ANKS1A: variants seen among roughly 807,000 people sequenced by gnomAD.
ANKS1A encodes ankyrin repeat and sterile alpha motif domain containing 1A.
In ANKS1A, 55 loss-of-function variants were observed where a neutral mutation model predicts 120.3. That is an observed-to-expected ratio of 0.46 (90% confidence interval 0.37 to 0.57). The LOEUF (loss-of-function observed/expected upper bound fraction) is 0.57. ANKS1A is among the 20% of genes least tolerant of loss of function. ANKS1A has a pLI of 0.00. For missense variants in ANKS1A, 1,123 were observed against 1,480.3 expected (o/e 0.76, Z 3.96); for synonymous variants, 590 against 604.7 (o/e 0.98, Z 0.36).
At chr6:34,901,791 G>A (rs946000837) in intron 1 of ANKS1A, among the ~76,000 whole-genome samples, 10 of 152,188 alleles carry the variant, frequency 6.6e-5, no homozygotes, top group Admixed American at 3.3e-4. Context: ...GATTACAGGC[G>A]TGAGCCATCA....
Position 35,079,390 on chromosome 6 carries a change from G to A in ANKS1A, c.2284-126G>A, listed in dbSNP as rs548469284. 3 of 1,175,412 alleles carry A rather than the reference G, an allele frequency of 2.6e-6. No homozygotes were observed. The African/African-American group carries it at 4.6e-5, about 18-fold the overall frequency. 72.8% of individuals were successfully genotyped at this position (1,175,412 alleles called of 1,614,324 possible). ...TGTGCGAAGTGGGGGGCTGGAAGGT[G>A]CTGAGGACCCCAAACACAGAGGGCC... On this transcript the variant is annotated intron_variant, in intron 14 of 23. Coordinates refer to ENST00000360359, the MANE Select transcript of ANKS1A (RefSeq NM_015245.3).
Position 34,985,255 on chromosome 6 carries a change from G to C in ANKS1A, c.1186G>C (p.Val396Leu). 6.2e-7 allele frequency: 1 copy of C among 1,614,010 alleles called. No individual in the cohort carries two copies. Among genetic ancestry groups the C allele is most frequent in the Non-Finnish European group, 8.5e-7 (1 of 1,180,004 alleles). Residue 396 changes from valine (V) to leucine (L), a missense_variant, in exon 8 of 24, where the codon GTG becomes CTG. Physicochemically the swap from Val to Leu is conservative, Grantham distance 32. Around this residue, in one of 3 missense-constraint regions of ANKS1A, gnomAD observed 904 missense variants for 1,130.4 expected, o/e 0.80. Transcript: ENST00000360359. ...GAACAAGGAGGCTGAGGCAGCAGGAGTGAAACCTGCTGGAGTGAGGCCTGT... is the reference window on the plus strand; with the variant it reads ...GAACAAGGAGGCTGAGGCAGCAGGACTGAAACCTGCTGGAGTGAGGCCTGT... The part of the protein sequence containing the change: ...STNKEAEAAG[V>L]KPAGVRPRER...
In ANKS1A at chr6:35,079,804, T is replaced by C; in HGVS notation, c.2437-17T>C. ...TTGGCCACCTGACCTGTCACCTCGC[T>C]GCTCCTCATCACCCAGGTCCTGAAG... On this transcript the variant is annotated splice_polypyrimidine_tract_variant and intron_variant, in intron 15 of 23. Transcript: ENST00000360359. The C allele has an allele frequency of 6.3e-7, 1 of 1,586,218 alleles. No individual in the cohort carries two copies. Among genetic ancestry groups the C allele is most frequent in the African/African-American group, 1.3e-5 (1 of 74,562 alleles).
intron 10 of ANKS1A, among the ~76,000 whole-genome samples, chr6:34,996,430 A>G (rs759113412): frequency 2.0e-5 from 3 of 152,062 alleles, no homozygotes; most frequent in Non-Finnish European, 2.9e-5. Context: ...TAATTTCAAT[A>G]AAGTTCAGTT....
intron 13 of ANKS1A, among the ~76,000 whole-genome samples, chr6:35,066,228 G>A (rs1339828717): frequency 6.6e-6 from 1 of 152,194 alleles, no homozygotes; most frequent in African/African-American, 2.4e-5. Flanking sequence ...ACGCAAGGTG[G>A]GAAGGTGGTG....
chr6:34,971,210 C>T (rs1561880092), intron 3 of ANKS1A, among the ~76,000 whole-genome samples: 1 of 152,276 alleles, frequency 6.6e-6, no homozygotes, highest in South Asian at 2.1e-4. Context: ...GAATGAAGAT[C>T]ATTTCCATGA....
chr6:34,976,798 G>GTGTGTT (rs1771622846), intron 3 of ANKS1A, among the ~76,000 whole-genome samples: 1 of 143,162 alleles, frequency 7.0e-6, no homozygotes, highest in South Asian at 2.2e-4. Flanking sequence ...GTGTGTGTGT[G>GTGTGTT]TATGCAATAA....
At chr6:35,092,741 G>A (rs1271673246), downstream of ANKS1A, among the ~76,000 whole-genome samples, 1 of 152,176 alleles carries the variant, frequency 6.6e-6, no homozygotes, top group Non-Finnish European at 1.5e-5. Context: ...CTGCCTCTGT[G>A]TGAGGCACAA....
intron 1 of ANKS1A, among the ~76,000 whole-genome samples, chr6:34,965,552 T>C: frequency 6.6e-6 from 1 of 152,074 alleles, no homozygotes. Flanking sequence ...AGTTTCCCTA[T>C]GTTGGTCAGG....
At chr6:35,024,544 T>G (rs1774511841) in intron 11 of ANKS1A, among the ~76,000 whole-genome samples, 1 of 152,230 alleles carries the variant, frequency 6.6e-6, no homozygotes, top group Non-Finnish European at 1.5e-5. Flanking sequence ...AGGGACATGC[T>G]TTGTATGCAT....
chr6:34,920,700 C>A (rs1371362176), intron 1 of ANKS1A, among the ~76,000 whole-genome samples: 1 of 152,004 alleles, frequency 6.6e-6, no homozygotes, highest in Admixed American at 6.6e-5. Flanking sequence ...ATGTAAAGTT[C>A]CTAAGGAGAG....
chr6:35,029,012 T>G, intron 11 of ANKS1A, among the ~76,000 whole-genome samples: 1 of 152,228 alleles, frequency 6.6e-6, no homozygotes, highest in Non-Finnish European at 1.5e-5. Context: ...ATGAGGGTGG[T>G]CAGCCTTTTA....
chr6:34,999,070 C>G (rs1161460948), intron 10 of ANKS1A, among the ~76,000 whole-genome samples: 3 of 152,212 alleles, frequency 2.0e-5, no homozygotes, highest in Non-Finnish European at 4.4e-5. Context: ...CAGGAAGGAA[C>G]TGGCATTTGG....
intron 1 of ANKS1A, among the ~76,000 whole-genome samples, chr6:34,923,697 A>G (rs1489904650): frequency 4.6e-5 from 7 of 152,216 alleles, no homozygotes; most frequent in Non-Finnish European, 1.5e-5. Flanking sequence ...TTGAGTGAGC[A>G]GGTTATGGGG....
chr6:34,987,518 C>A (rs2127532020), intron 8 of ANKS1A, among the ~76,000 whole-genome samples: 1 of 152,220 alleles, frequency 6.6e-6, no homozygotes, highest in African/African-American at 2.4e-5. Context: ...GAACCAGGTT[C>A]CTGCACTTCT....
chr6:34,911,178 A>C (rs750112450), intron 1 of ANKS1A, among the ~76,000 whole-genome samples: 1 of 152,128 alleles, frequency 6.6e-6, no homozygotes. Context: ...TAAGTCTCCA[A>C]ATGGTTGTTT....
chr6:34,890,773 T>C (rs1766778986), intron 1 of ANKS1A, among the ~76,000 whole-genome samples: 1 of 152,202 alleles, frequency 6.6e-6, no homozygotes, highest in Non-Finnish European at 1.5e-5. Flanking sequence ...TTCCTTGTTC[T>C]TTTGAGGTTT....
rs916392219 is a variant in ANKS1A at position 35,086,259 on chromosome 6, C to T, written c.3303+323C>T. Reference sequence around the variant, plus strand: ...TCCCTGTGTCTGTGTCTGCTTTGCTCTGCACCCCAGGTGCCGCTGCCCCCC... The same window carrying T: ...TCCCTGTGTCTGTGTCTGCTTTGCTTTGCACCCCAGGTGCCGCTGCCCCCC... On this transcript the variant is annotated intron_variant, in intron 22 of 23. Coordinates refer to ENST00000360359, the MANE Select transcript of ANKS1A (RefSeq NM_015245.3). The surrounding 1 kb of genome is among the most constrained non-coding windows in gnomAD (Gnocchi z 5.1). The T allele has an allele frequency of 7.4e-6, 10 of 1,354,162 alleles. No individual in the cohort carries two copies. The African/African-American group carries it at 1.3e-4, about 18-fold the overall frequency. 83.9% of individuals were successfully genotyped at this position (1,354,162 alleles called of 1,614,324 possible).
intron 1 of ANKS1A, among the ~76,000 whole-genome samples, chr6:34,952,264 T>C (rs1770127288): frequency 6.6e-6 from 1 of 152,232 alleles, no homozygotes; most frequent in African/African-American, 2.4e-5. Flanking sequence ...CGATGTTAGC[T>C]GTTATTTCTA....
Sources: allele counts gnomAD v4.1 joint callset (sites outside exome capture counted in the v4.1 genomes callset), GRCh38; gene constraint gnomAD v4.1.1; regional missense constraint gnomAD v4.1.1; non-coding constraint Gnocchi (gnomAD v3.1); transcripts MANE v1.5; gene names NCBI Gene and HGNC (gene_info 2026-07-23, HGNC 2026-07-21).